The following HEMK2 variants were observed in gnomAD, a reference collection of about 807,000 sequenced individuals.
HEMK2 encodes methyltransferase HEMK2.
chr21:28,769,742 C>A, the HEMK2 span, among the ~76,000 whole-genome samples: 2 of 152,112 alleles, frequency 1.3e-5, no homozygotes, highest in African/African-American at 4.8e-5. Flanking sequence ...CAGGGAAAAG[C>A]CTGCACATAC....
chr21:28,818,782 C>T, the HEMK2 span, among the ~76,000 whole-genome samples: 1 of 152,186 alleles, frequency 6.6e-6, no homozygotes, highest in Non-Finnish European at 1.5e-5. Context: ...CCATTAATTG[C>T]TACCACATTG....
At chr21:28,640,521 C>T in the HEMK2 span, among the ~76,000 whole-genome samples, 79 of 152,282 alleles carry the variant, frequency 5.2e-4, no homozygotes, top group Admixed American at 3.1e-3. Context: ...GGTACTACAG[C>T]GGAATCAGGG....
the HEMK2 span, among the ~76,000 whole-genome samples, chr21:28,867,034 T>C: frequency 3.9e-5 from 6 of 152,194 alleles, no homozygotes; most frequent in African/African-American, 1.4e-4. Context: ...GGTGAAGATA[T>C]GGCGCTACAG....
At chr21:28,804,580 T>G in the HEMK2 span, among the ~76,000 whole-genome samples, 1 of 151,996 alleles carries the variant, frequency 6.6e-6, no homozygotes, top group African/African-American at 2.4e-5. Context: ...ACAAATAACT[T>G]AAAAATAAAA....
the HEMK2 span, among the ~76,000 whole-genome samples, chr21:28,612,910 A>C: frequency 6.6e-6 from 1 of 152,208 alleles, no homozygotes; most frequent in African/African-American, 2.4e-5. Flanking sequence ...GAAAACTACG[A>C]AACACTGATG....
At chr21:28,807,587 T>G in the HEMK2 span, among the ~76,000 whole-genome samples, 1 of 152,134 alleles carries the variant, frequency 6.6e-6, no homozygotes, top group Non-Finnish European at 1.5e-5. Context: ...ACTGACCAGT[T>G]AGTGAGTGCA....
At chr21:28,774,284 C>T in the HEMK2 span, among the ~76,000 whole-genome samples, 1 of 152,124 alleles carries the variant, frequency 6.6e-6, no homozygotes, top group East Asian at 1.9e-4. Flanking sequence ...AAAACTGTTA[C>T]CAATATTAAG....
the HEMK2 span, among the ~76,000 whole-genome samples, chr21:28,630,525 A>G: frequency 6.6e-6 from 1 of 152,094 alleles, no homozygotes; most frequent in Non-Finnish European, 1.5e-5. Context: ...ACTTGGAACC[A>G]ACCCAAATGT....
chr21:28,807,173 T>TTG, the HEMK2 span, among the ~76,000 whole-genome samples: 1 of 152,204 alleles, frequency 6.6e-6, no homozygotes, highest in Non-Finnish European at 1.5e-5. Flanking sequence ...GTAGCTTCTC[T>TTG]TGCCTAATAG....
At chr21:28,798,746 T>C in the HEMK2 span, among the ~76,000 whole-genome samples, 1 of 152,136 alleles carries the variant, frequency 6.6e-6, no homozygotes, top group Admixed American at 6.5e-5. Flanking sequence ...GTAGAAGCTG[T>C]AGTAACAGCT....
At chr21:28,851,183 TGGC>T in the HEMK2 span, among the ~76,000 whole-genome samples, 2 of 152,158 alleles carry the variant, frequency 1.3e-5, no homozygotes, top group Non-Finnish European at 2.9e-5. Flanking sequence ...CTGCAGAAGA[TGGC>T]AGGGCCTTAC....
At chr21:28,659,842 A>G in the HEMK2 span, among the ~76,000 whole-genome samples, 1 of 152,110 alleles carries the variant, frequency 6.6e-6, no homozygotes. Context: ...TATCCTAACA[A>G]TATAGTTACA....
At chr21:28,745,183 T>C in the HEMK2 span, among the ~76,000 whole-genome samples, 1 of 152,186 alleles carries the variant, frequency 6.6e-6, no homozygotes, top group Admixed American at 6.5e-5. Context: ...GTTAGATCTC[T>C]AAGAGCTTAC....
chr21:28,821,837 G>T, the HEMK2 span, among the ~76,000 whole-genome samples: 7 of 152,272 alleles, frequency 4.6e-5, no homozygotes, highest in Non-Finnish European at 1.0e-4. Context: ...AATTTAGAAG[G>T]TTTTTTTACA....
At chr21:28,766,837 G>C in the HEMK2 span, among the ~76,000 whole-genome samples, 1 of 152,068 alleles carries the variant, frequency 6.6e-6, no homozygotes, top group African/African-American at 2.4e-5. Context: ...ACGGACTTTA[G>C]GGACTCAGGG....
chr21:28,659,157 T>G, the HEMK2 span, among the ~76,000 whole-genome samples: 1 of 152,144 alleles, frequency 6.6e-6, no homozygotes, highest in Non-Finnish European at 1.5e-5. Context: ...CATATCTGTC[T>G]GATAAACTAG....
the HEMK2 span, chr21:28,872,918 G>A: frequency 2.6e-5 from 4 of 152,300 alleles, no homozygotes; most frequent in Admixed American, 2.6e-4. Context: ...TGCAAATCTT[G>A]TCTGTAAACA....
the HEMK2 span, among the ~76,000 whole-genome samples, chr21:28,655,094 T>C: frequency 6.6e-6 from 1 of 151,988 alleles, no homozygotes; most frequent in Non-Finnish European, 1.5e-5. Flanking sequence ...ATAGAAAAAA[T>C]TACATGTGTT....
chr21:28,603,943 C>A, the HEMK2 span, among the ~76,000 whole-genome samples: 1 of 152,174 alleles, frequency 6.6e-6, no homozygotes, highest in South Asian at 2.1e-4. Context: ...AGGTGGCCTG[C>A]CTGAACTCTT....
Sources: allele counts gnomAD v4.1 joint callset (sites outside exome capture counted in the v4.1 genomes callset), GRCh38; gene constraint gnomAD v4.1.1; transcripts MANE v1.5; gene names NCBI Gene and HGNC (gene_info 2026-07-23, HGNC 2026-07-21).